The following CFAP299 variants were observed in gnomAD, a reference collection of about 807,000 sequenced individuals.
CFAP299 encodes cilia- and flagella-associated protein 299.
In CFAP299, 21 loss-of-function variants were observed where a neutral mutation model predicts 27.0. The observed-to-expected ratio is 0.78, with a 90% CI of 0.55 to 1.12. The LOEUF is 1.12. Ranked by LOEUF, CFAP299 falls within the 50% of genes most tolerant of loss-of-function variation. CFAP299 has a pLI of 0.00. For missense variants in CFAP299, 310 were observed against 276.6 expected, an observed-to-expected ratio of 1.12 and a Z score of -0.86; for synonymous variants, 104 against 98.1, an observed-to-expected ratio of 1.06 and a Z score of -0.36.
intron 3 of CFAP299, among the ~76,000 whole-genome samples, chr4:80,624,278 A>C (rs1042958454): frequency 2.6e-5 from 4 of 152,162 alleles, no homozygotes; most frequent in African/African-American, 9.7e-5. Flanking sequence ...TTTGACCAGA[A>C]TGATAATAAT....
intron 3 of CFAP299, among the ~76,000 whole-genome samples, chr4:80,775,098 A>T (rs1184711810): frequency 6.6e-6 from 1 of 151,510 alleles, no homozygotes; most frequent in Non-Finnish European, 1.5e-5. Flanking sequence ...GAAAAAATAG[A>T]AAATAAAACT....
At chr4:80,544,970 A>G (rs533927445) in intron 2 of CFAP299, among the ~76,000 whole-genome samples, 1 of 152,368 alleles carries the variant, frequency 6.6e-6, no homozygotes, top group East Asian at 1.9e-4. Context: ...GCCATAAAGC[A>G]AGTCTCAACA....
chr4:80,916,415 A>G (rs1374605757), intron 4 of CFAP299, among the ~76,000 whole-genome samples: 1 of 151,384 alleles, frequency 6.6e-6, no homozygotes, highest in Admixed American at 6.6e-5. Context: ...TTGAAGAATT[A>G]TGCCCTTTGT....
At chr4:80,575,814 G>A (rs1735825679) in intron 2 of CFAP299, among the ~76,000 whole-genome samples, 1 of 151,956 alleles carries the variant, frequency 6.6e-6, no homozygotes, top group Non-Finnish European at 1.5e-5. Context: ...AATCCCATAG[G>A]TTTTGGTATG....
intron 1 of CFAP299, among the ~76,000 whole-genome samples, chr4:80,347,145 G>T (rs1163295589): frequency 6.6e-6 from 1 of 152,152 alleles, no homozygotes; most frequent in African/African-American, 2.4e-5. Flanking sequence ...CTTTGCTGAA[G>T]TTGCTTATCA....
chr4:80,620,738 C>T (rs1281574539), intron 3 of CFAP299, among the ~76,000 whole-genome samples: 1 of 152,094 alleles, frequency 6.6e-6, no homozygotes, highest in Non-Finnish European at 1.5e-5. Context: ...TTGTTCCCTA[C>T]AGAAAGTCAA....
At chr4:80,925,140 C>T (rs1450847319) in intron 4 of CFAP299, among the ~76,000 whole-genome samples, 1 of 151,812 alleles carries the variant, frequency 6.6e-6, no homozygotes, top group Admixed American at 6.6e-5. Flanking sequence ...CTTACTATGT[C>T]CCTCAATATG....
At chr4:80,335,193 A>T (rs185303841), upstream of CFAP299, among the ~76,000 whole-genome samples, 1 of 152,226 alleles carries the variant, frequency 6.6e-6, no homozygotes, top group Non-Finnish European at 1.5e-5. Flanking sequence ...ACTTGGTGCC[A>T]AAAAAGGTCT....
intron 3 of CFAP299, among the ~76,000 whole-genome samples, chr4:80,668,397 G>A (rs1013808177): frequency 9.2e-5 from 14 of 152,094 alleles, no homozygotes; most frequent in Admixed American, 8.5e-4. Context: ...ATATCCTGGA[G>A]CATTTCCCCA....
intron 2 of CFAP299, among the ~76,000 whole-genome samples, chr4:80,454,038 T>G (rs1327537103): frequency 1.3e-5 from 2 of 152,052 alleles, no homozygotes; most frequent in African/African-American, 4.8e-5. Context: ...CCCCTGAGTT[T>G]CAAGGCTTAA....
intron 2 of CFAP299, among the ~76,000 whole-genome samples, chr4:80,481,578 A>G (rs1275015638): frequency 3.9e-5 from 6 of 152,062 alleles, no homozygotes; most frequent in African/African-American, 1.4e-4. Context: ...TAGCCACCAA[A>G]TGCTGATAAA....
intron 3 of CFAP299, among the ~76,000 whole-genome samples, chr4:80,836,782 T>C (rs755681882): frequency 2.6e-5 from 4 of 152,166 alleles, no homozygotes; most frequent in Non-Finnish European, 5.9e-5. Context: ...TTTCTAGTTA[T>C]ATAACCTAAT....
At chr4:80,786,268 G>T (rs1414058576) in intron 3 of CFAP299, among the ~76,000 whole-genome samples, 3 of 152,030 alleles carry the variant, frequency 2.0e-5, no homozygotes, top group Non-Finnish European at 4.4e-5. Flanking sequence ...GTCATAGTTT[G>T]GGGTGGAGAG....
intron 3 of CFAP299, among the ~76,000 whole-genome samples, chr4:80,701,902 C>T (rs1721511037): frequency 6.6e-6 from 1 of 151,882 alleles, no homozygotes; most frequent in African/African-American, 2.4e-5. Context: ...AATCATGTGC[C>T]AGATACCTGC....
chr4:80,704,480 C>T (rs1304724488), intron 3 of CFAP299, among the ~76,000 whole-genome samples: 1 of 151,702 alleles, frequency 6.6e-6, no homozygotes, highest in African/African-American at 2.4e-5. Flanking sequence ...AGATTAGATA[C>T]ATATAGAGAT....
At chr4:80,357,689 T>G (rs574427624) in intron 1 of CFAP299, among the ~76,000 whole-genome samples, 6 of 152,304 alleles carry the variant, frequency 3.9e-5, no homozygotes, top group African/African-American at 1.2e-4. Flanking sequence ...TTTATCCCCC[T>G]GTTGTTTCTG....
At chr4:80,630,453 TA>T (rs1739148411) in intron 3 of CFAP299, among the ~76,000 whole-genome samples, 1 of 152,154 alleles carries the variant, frequency 6.6e-6, no homozygotes, top group Non-Finnish European at 1.5e-5. Context: ...GAACAGCATA[TA>T]TTTTAAAAGT....
At chr4:80,669,187 G>A (rs1326102719) in intron 3 of CFAP299, among the ~76,000 whole-genome samples, 2 of 44,606 alleles carry the variant, frequency 4.5e-5, no homozygotes, top group Admixed American at 3.6e-4. Context: ...TTGAGACTAA[G>A]TCTTACTCTG....
chr4:80,326,243 T>C, the CFAP299 span, among the ~76,000 whole-genome samples: 1 of 152,144 alleles, frequency 6.6e-6, no homozygotes, highest in Admixed American at 6.5e-5. Context: ...GATTGTGGTG[T>C]GTGTGTGCAT....
Sources: gnomAD v4.1 joint callset for allele counts (sites outside exome capture counted in the v4.1 genomes callset) on GRCh38, gnomAD v4.1.1 for gene constraint, MANE v1.5 for transcripts, NCBI Gene and HGNC (gene_info 2026-07-23, HGNC 2026-07-21) for gene names.